TOX3: variants seen among roughly 807,000 people sequenced by gnomAD.
The protein encoded by TOX3 is TOX high mobility group box family member 3, also known as CAG trinucleotide repeat-containing gene F9 protein.
Under a neutral mutation model 64.3 loss-of-function variants are expected in TOX3, and 22 were observed. That is an observed-to-expected ratio of 0.34 (90% confidence interval 0.24 to 0.49). The LOEUF is 0.49. Ranked by LOEUF, TOX3 falls within the 20% of genes least tolerant of loss-of-function variation. The probability of loss-of-function intolerance (pLI) is 0.99; values close to 1 mark genes in which losing one functional copy is unlikely to be tolerated. For synonymous variants in TOX3, 291 were observed against 273.6 expected, an observed-to-expected ratio of 1.06 and a Z score of -0.63; for missense variants, 661 against 714.4, an observed-to-expected ratio of 0.93 and a Z score of 0.85.
At chr16:52,451,201 G>A (rs529825850) in intron 3 of TOX3, among the ~76,000 whole-genome samples, 8 of 152,242 alleles carry the variant, frequency 5.3e-5, no homozygotes, top group East Asian at 3.9e-4. Flanking sequence ...CATTGTCAGC[G>A]GCATCTGGAA....
chr16:52,445,329 T>C (rs1960131461), intron 5 of TOX3: 1 of 152,202 alleles, frequency 6.6e-6, no homozygotes, highest in South Asian at 2.1e-4. Flanking sequence ...AAAAGTTAAC[T>C]TCTTTTAATG....
At position 52,439,909 on chromosome 16, in the gene TOX3, C is replaced by G. The variant is rs1050741893; in HGVS notation, c.1047G>C (p.Ser349=). The change falls in exon 7 of 7, where the codon TCG becomes TCC. Residue 349 remains serine, a synonymous_variant. Transcript: ENST00000219746. ...TIRSVQQTLA[S]TNLTSSLLLN... ...GAAGGAGAGAGGATGTTAGATTGGT[C>G]GACGCCAGGGTCTGCTGAACAGAAC... 3 of 1,608,580 alleles carry G rather than the reference C, an allele frequency of 1.9e-6. No homozygotes were observed. Among genetic ancestry groups the G allele is most frequent in the Non-Finnish European group, 1.7e-6 (2 of 1,177,068 alleles).
At chr16:52,482,470 T>C (rs774548278) in intron 1 of TOX3, among the ~76,000 whole-genome samples, 2 of 152,156 alleles carry the variant, frequency 1.3e-5, no homozygotes, top group African/African-American at 2.4e-5. Flanking sequence ...TATCAAGTTG[T>C]AAATGCAAAA....
intron 1 of TOX3, chr16:52,519,623 A>G: frequency 5.0e-6 from 7 of 1,401,810 alleles, no homozygotes; most frequent in Non-Finnish European, 6.5e-6. Flanking sequence ...GCAATCAGCT[A>G]TTTGTCACAC....
chr16:52,546,604 C>G, intron 1 of TOX3, 33 bp downstream of exon 1: 1 of 1,524,388 alleles, frequency 6.6e-7, no homozygotes, highest in Non-Finnish European at 8.8e-7. Context: ...GAGGTGGCCC[C>G]CGCCCCCCGG....
intron 3 of TOX3, among the ~76,000 whole-genome samples, chr16:52,458,381 CA>C (rs1037227142): frequency 6.6e-6 from 1 of 152,036 alleles, no homozygotes; most frequent in African/African-American, 2.4e-5. Flanking sequence ...ATAAAAGGAA[CA>C]GGGGTAATGG....
chr16:52,512,210 G>T (rs1433117077), intron 1 of TOX3, among the ~76,000 whole-genome samples: 1 of 152,130 alleles, frequency 6.6e-6, no homozygotes, highest in Non-Finnish European at 1.5e-5. Flanking sequence ...ATAAATATTG[G>T]CTCAAATGGA....
At chr16:52,515,531 T>A (rs1962430843) in intron 1 of TOX3, among the ~76,000 whole-genome samples, 1 of 152,216 alleles carries the variant, frequency 6.6e-6, no homozygotes, top group Non-Finnish European at 1.5e-5. Flanking sequence ...GTGTTTACCA[T>A]CCTCTCCTGA....
chr16:52,498,570 T>A (rs1041750782), intron 1 of TOX3, among the ~76,000 whole-genome samples: 1 of 152,010 alleles, frequency 6.6e-6, no homozygotes, highest in Non-Finnish European at 1.5e-5. Flanking sequence ...CCCTGTCAAA[T>A]CTGAACCTTT....
At position 52,490,100 on chromosome 16, in the gene TOX3, GC is replaced by G. The variant is rs141655518; in HGVS notation, c.88-21527del. ...ATGATGTGATTTTTTAACGCAGTAT[GC>G]CAAGGTAGGAGGTGACTGGATCATG... On this transcript the variant is annotated intron_variant, in intron 1 of 6. Transcript: ENST00000219746. 6.4e-3 allele frequency among the ~76,000 whole-genome samples: 967 copies of G among 152,228 alleles called. 11 individuals are homozygous for G. The highest frequency in any genetic ancestry group is 0.022 in the African/African-American group (897 of 41,506).
At chr16:52,485,269 T>TATATATATAC (rs1667527874) in intron 1 of TOX3, among the ~76,000 whole-genome samples, 1 of 146,780 alleles carries the variant, frequency 6.8e-6, no homozygotes, top group African/African-American at 2.5e-5. Context: ...TATATATATA[T>TATATATATAC]ATACATATCT....
At chr16:52,490,965 G>T (rs1025984377) in intron 1 of TOX3, among the ~76,000 whole-genome samples, 1 of 152,066 alleles carries the variant, frequency 6.6e-6, no homozygotes, top group African/African-American at 2.4e-5. Flanking sequence ...CCAAGGCATG[G>T]CTAAAGCGTA....
rs1256406590 is a variant in TOX3, at chr16:52,481,566, A to G, written c.88-12992T>C. ...TAACATATAATCACTTAAGCCAAAC[A>G]AGATTACATCTGAGGTCTATTAATG... On this transcript the variant is annotated intron_variant, in intron 1 of 6. Coordinates refer to ENST00000219746, the MANE Select transcript of TOX3 (RefSeq NM_001080430.4). Among the ~76,000 whole-genome samples the G allele has an allele frequency of 1.3e-5, 2 of 152,224 alleles. 1 individual carries two copies. Among genetic ancestry groups the G allele is most frequent in the African/African-American group, 4.8e-5 (2 of 41,458 alleles).
chr16:52,492,540 A>T (rs1343786292), intron 1 of TOX3, among the ~76,000 whole-genome samples: 5 of 129,936 alleles, frequency 3.8e-5, no homozygotes, highest in African/African-American at 1.2e-4. Context: ...GACCAATAAC[A>T]CAACACTATA....
At chr16:52,454,138 T>C (rs1361574147) in intron 3 of TOX3, among the ~76,000 whole-genome samples, 1 of 152,082 alleles carries the variant, frequency 6.6e-6, no homozygotes, top group Non-Finnish European at 1.5e-5. Context: ...CAGAGATAGA[T>C]GAATAAGACT....
intron 1 of TOX3, among the ~76,000 whole-genome samples, chr16:52,539,831 C>G (rs1375374946): frequency 6.6e-6 from 1 of 152,142 alleles, no homozygotes; most frequent in Admixed American, 6.5e-5. Context: ...GTCCAGGCCC[C>G]AAATTCAAAC....
In TOX3 at chr16:52,496,875, A is replaced by C. The variant is rs535488366; in HGVS notation, c.88-28301T>G. Among the ~76,000 whole-genome samples the C allele has an allele frequency of 1.5e-4, 23 of 151,994 alleles. No homozygotes were observed. The East Asian group carries it at 2.1e-3, about 14-fold the overall frequency. On this transcript the variant is annotated intron_variant, in intron 1 of 6. Transcript: ENST00000219746. The stretch of plus-strand genomic sequence containing the variant: ...GGCAGTCTAACCTGGGGAAAAAAAA[A>C]CAGAAAATACATATTTATACCTATG...
At chr16:52,537,877 A>AT (rs1491499246) in intron 1 of TOX3, among the ~76,000 whole-genome samples, 1 of 64,886 alleles carries the variant, frequency 1.5e-5, no homozygotes, top group Admixed American at 1.7e-4. Context: ...GGCTGATATG[A>AT]TAAAAAAAAA....
intron 1 of TOX3, among the ~76,000 whole-genome samples, chr16:52,543,612 A>C (rs890713610): frequency 6.6e-6 from 1 of 152,246 alleles, no homozygotes; most frequent in Non-Finnish European, 1.5e-5. Context: ...ATGTTCAAAC[A>C]GTCGACTTTC....
Sources: gnomAD v4.1 joint callset for allele counts (sites outside exome capture counted in the v4.1 genomes callset) on GRCh38, gnomAD v4.1.1 for gene constraint, MANE v1.5 for transcripts, NCBI Gene and HGNC (gene_info 2026-07-23, HGNC 2026-07-21) for gene names.